LIMA1: variants seen among roughly 807,000 people sequenced by gnomAD.
LIMA1 encodes the protein LIM domain and actin-binding protein 1.
In LIMA1, 52 loss-of-function variants were observed where a neutral mutation model predicts 62.6. The observed-to-expected ratio is 0.83, with a 90% CI of 0.67 to 1.05. LIMA1 has a LOEUF of 1.05. LIMA1 is among the 50% of genes least tolerant of loss of function. The pLI is 0.00. For synonymous variants in LIMA1, 302 were observed against 317.8 expected, an observed-to-expected ratio of 0.95 and a Z score of 0.53; for missense variants, 780 against 902.2, an observed-to-expected ratio of 0.86 and a Z score of 1.74.
intron 2 of LIMA1, among the ~76,000 whole-genome samples, chr12:50,234,739 T>C (rs1427469951): frequency 6.6e-6 from 1 of 152,062 alleles, no homozygotes; most frequent in Non-Finnish European, 1.5e-5. Flanking sequence ...TCAGGCCTGG[T>C]GCAGTGGCTC....
At position 50,222,420 on chromosome 12, in the gene LIMA1, C is replaced by G; in HGVS notation, c.231G>C (p.Glu77Asp). The G allele has an allele frequency of 6.2e-7, 1 of 1,614,186 alleles. No homozygotes were observed. Among genetic ancestry groups the G allele is most frequent in the Non-Finnish European group, 8.5e-7 (1 of 1,180,044 alleles). The change falls in exon 4 of 11, where the codon GAG becomes GAC. Residue 77 changes from glutamate to aspartate, a missense_variant. Coordinates refer to ENST00000341247, the MANE Select transcript of LIMA1 (RefSeq NM_016357.5). Reference protein sequence around the residue: ...GTLTVLKKKWENPGLGAESHT... With the variant: ...GTLTVLKKKWDNPGLGAESHT... ...GAGACTCTGCTCCCAGCCCTGGGTT[C>G]TCCCACTTCTTCTTTAACACAGTCA...
At chr12:50,258,128 C>G (rs1942020516) in intron 1 of LIMA1, among the ~76,000 whole-genome samples, 1 of 152,058 alleles carries the variant, frequency 6.6e-6, no homozygotes. Flanking sequence ...TGCCTCAGCC[C>G]TGGAATCAAC....
chr12:50,246,624 G>A (rs145673640), intron 2 of LIMA1, among the ~76,000 whole-genome samples: 71 of 152,194 alleles, frequency 4.7e-4, no homozygotes, highest in Non-Finnish European at 8.8e-4. Flanking sequence ...AACCAATTGC[G>A]TTCCCTGGTT....
intron 3 of LIMA1, among the ~76,000 whole-genome samples, chr12:50,225,307 T>A (rs139005064): frequency 1.9e-3 from 291 of 152,294 alleles, no homozygotes; most frequent in African/African-American, 6.7e-3. Context: ...TCAATCAATA[T>A]AGAAATATGT....
intron 1 of LIMA1, among the ~76,000 whole-genome samples, chr12:50,280,609 G>A (rs915849030): frequency 6.6e-6 from 1 of 152,148 alleles, no homozygotes; most frequent in African/African-American, 2.4e-5. Context: ...ATAATGGATT[G>A]CTTGTTAGGT....
At chr12:50,204,420 A>G in intron 6 of LIMA1, 132 bp downstream of exon 6, 1 of 1,025,370 alleles carries the variant, frequency 9.8e-7, no homozygotes, top group South Asian at 2.0e-5. Context: ...GGTAGGGTTC[A>G]TGTGAAAAGA....
intron 9 of LIMA1, chr12:50,187,745 G>A: frequency 6.6e-6 from 1 of 152,190 alleles, no homozygotes; most frequent in Admixed American, 6.6e-5. Flanking sequence ...AGAGTGCCAT[G>A]TTCTCTCTCA....
chr12:50,225,631 C>A (rs1187493785), intron 3 of LIMA1, among the ~76,000 whole-genome samples: 4 of 152,314 alleles, frequency 2.6e-5, no homozygotes, highest in Admixed American at 2.6e-4. Context: ...TGGTTCACTG[C>A]AACCTCTGCC....
chr12:50,278,485 C>T (rs1162938447), intron 1 of LIMA1, among the ~76,000 whole-genome samples: 1 of 152,142 alleles, frequency 6.6e-6, no homozygotes, highest in Non-Finnish European at 1.5e-5. Flanking sequence ...CACTCACAAT[C>T]ACTGCAGTTG....
At chr12:50,215,533 A>G (rs903986089) in intron 4 of LIMA1, among the ~76,000 whole-genome samples, 8 of 152,168 alleles carry the variant, frequency 5.3e-5, no homozygotes, top group Non-Finnish European at 7.4e-5. Context: ...GCAGTGGCGC[A>G]ATCTCGGCTC....
intron 4 of LIMA1, among the ~76,000 whole-genome samples, chr12:50,208,357 G>A (rs1263785648): frequency 6.6e-5 from 10 of 152,152 alleles, no homozygotes; most frequent in South Asian, 2.1e-4. Flanking sequence ...GTGGTGGCCC[G>A]CACCTGTAAT....
chr12:50,270,251 A>G (rs2138694912), intron 1 of LIMA1, among the ~76,000 whole-genome samples: 1 of 150,552 alleles, frequency 6.6e-6, no homozygotes, highest in East Asian at 1.9e-4. Flanking sequence ...AAAAAAAAAA[A>G]AAAAAAAAGG....
chr12:50,271,805 A>G (rs964506677), intron 1 of LIMA1, among the ~76,000 whole-genome samples: 1 of 152,226 alleles, frequency 6.6e-6, no homozygotes, highest in African/African-American at 2.4e-5. Flanking sequence ...AATATCTGTT[A>G]TATGAATGAA....
intron 1 of LIMA1, among the ~76,000 whole-genome samples, chr12:50,282,990 T>C (rs1942358345): frequency 6.6e-6 from 1 of 152,114 alleles, no homozygotes; most frequent in South Asian, 2.1e-4. Flanking sequence ...AGAGTTCAGC[T>C]GGCGTAATGG....
In LIMA1 at chr12:50,202,931, AAT is replaced by A. The variant is rs1941080384; in HGVS notation, c.864+1619_864+1620del. Among the ~76,000 whole-genome samples, 5 of 152,170 alleles carry A rather than the reference AAT, an allele frequency of 3.3e-5. No homozygotes were observed. In the South Asian group the frequency reaches 8.3e-4, roughly 25 times the overall value. On this transcript the variant is annotated intron_variant, in intron 6 of 10. Coordinates refer to ENST00000341247, the MANE Select transcript of LIMA1 (RefSeq NM_016357.5). ...AGAACAAATGCTTGAAGGATACAAA[AAT>A]ATGTGTGTGTACATTTGTATCTATG...
At chr12:50,245,811 G>T (rs1234010640) in intron 2 of LIMA1, among the ~76,000 whole-genome samples, 2 of 152,078 alleles carry the variant, frequency 1.3e-5, no homozygotes, top group Admixed American at 6.6e-5. Context: ...AGTTAGATGT[G>T]AGCCTGAAAG....
At chr12:50,243,942 T>A (rs767079955) in intron 2 of LIMA1, among the ~76,000 whole-genome samples, 5 of 151,686 alleles carry the variant, frequency 3.3e-5, no homozygotes, top group Non-Finnish European at 7.4e-5. Flanking sequence ...TGAGACGGAG[T>A]CTCACTCTGT....
At chr12:50,224,753 G>A (rs1278961290) in intron 3 of LIMA1, among the ~76,000 whole-genome samples, 1 of 151,956 alleles carries the variant, frequency 6.6e-6, no homozygotes. Flanking sequence ...TTTTAGAGAC[G>A]GGGTCTCGCT....
At chr12:50,208,481 G>A (rs1941194261) in intron 4 of LIMA1, among the ~76,000 whole-genome samples, 1 of 151,414 alleles carries the variant, frequency 6.6e-6, no homozygotes, top group Non-Finnish European at 1.5e-5. Context: ...GCAAGACTCC[G>A]TCTCAAAAAA....
Sources: gnomAD v4.1 joint callset for allele counts (sites outside exome capture counted in the v4.1 genomes callset) on GRCh38, gnomAD v4.1.1 for gene constraint, MANE v1.5 for transcripts, NCBI Gene and HGNC (gene_info 2026-07-23, HGNC 2026-07-21) for gene names.